The following SPAG16 variants were observed in gnomAD, a reference collection of about 807,000 sequenced individuals.
The protein encoded by SPAG16 is sperm associated antigen 16, also known as sperm-associated antigen 16 protein.
Under a neutral mutation model 80.4 loss-of-function variants are expected in SPAG16, and 86 were observed. The observed-to-expected ratio is 1.07, with a 90% confidence interval of 0.90 to 1.28. The LOEUF is 1.28. Ranked by LOEUF, SPAG16 falls within the 50% of genes most tolerant of loss-of-function variation. The pLI, the probability that SPAG16 is intolerant of heterozygous loss-of-function variation, is 0.00. For synonymous variants in SPAG16, 294 were observed against 265.9 expected, an observed-to-expected ratio of 1.11 and a Z score of -1.03; for missense variants, 870 against 765.3, an observed-to-expected ratio of 1.14 and a Z score of -1.61.
chr2:213,314,716 T>C (rs1320615181), intron 4 of SPAG16, among the ~76,000 whole-genome samples: 2 of 151,916 alleles, frequency 1.3e-5, no homozygotes, highest in East Asian at 3.9e-4. Flanking sequence ...TAAATCACTT[T>C]TTTCCTCATA....
chr2:214,388,629 T>G (rs1700893548), intron 15 of SPAG16, among the ~76,000 whole-genome samples: 1 of 152,200 alleles, frequency 6.6e-6, no homozygotes, highest in Non-Finnish European at 1.5e-5. Flanking sequence ...GTCTGATCAT[T>G]TTTTAGACAC....
At chr2:213,768,408 T>G (rs574337723) in intron 10 of SPAG16, among the ~76,000 whole-genome samples, 4 of 152,208 alleles carry the variant, frequency 2.6e-5, no homozygotes, top group Non-Finnish European at 5.9e-5. Flanking sequence ...AAAGTTACTC[T>G]GAAAGCTCTG....
chr2:213,761,454 A>C (rs1418987844), intron 10 of SPAG16, among the ~76,000 whole-genome samples: 1 of 152,224 alleles, frequency 6.6e-6, no homozygotes, highest in Non-Finnish European at 1.5e-5. Flanking sequence ...AGAATAAACC[A>C]ATGAACCCAA....
chr2:213,442,535 T>G (rs950599049), intron 9 of SPAG16, among the ~76,000 whole-genome samples: 4 of 152,122 alleles, frequency 2.6e-5, no homozygotes, highest in Admixed American at 2.6e-4. Flanking sequence ...AAAATTACAG[T>G]AATTAAGACA....
At chr2:213,698,907 T>C (rs2125317836) in intron 10 of SPAG16, among the ~76,000 whole-genome samples, 1 of 152,360 alleles carries the variant, frequency 6.6e-6, no homozygotes, top group African/African-American at 2.4e-5. Context: ...TAAACTGTAT[T>C]AATTAAATGA....
At chr2:214,117,498 T>C (rs2053994122) in intron 14 of SPAG16, among the ~76,000 whole-genome samples, 1 of 152,180 alleles carries the variant, frequency 6.6e-6, no homozygotes, top group Non-Finnish European at 1.5e-5. Context: ...TAACTCATCC[T>C]ATGAGAACAG....
At chr2:213,582,592 A>AT (rs1187793107) in intron 10 of SPAG16, among the ~76,000 whole-genome samples, 1 of 152,132 alleles carries the variant, frequency 6.6e-6, no homozygotes, top group Non-Finnish European at 1.5e-5. Context: ...AGTTTAAGTT[A>AT]TTTTTTGTGC....
At chr2:213,963,575 T>C (rs2044564507) in intron 12 of SPAG16, among the ~76,000 whole-genome samples, 1 of 152,172 alleles carries the variant, frequency 6.6e-6, no homozygotes, top group African/African-American at 2.4e-5. Context: ...AAGTCTTCTA[T>C]ATCCTTCTTG....
At chr2:213,319,007 A>G (rs2063514349) in intron 5 of SPAG16, among the ~76,000 whole-genome samples, 1 of 151,908 alleles carries the variant, frequency 6.6e-6, no homozygotes, top group Non-Finnish European at 1.5e-5. Context: ...CTGGTGAACA[A>G]TTTTAGATAA....
chr2:214,012,289 T>TATATATATATATATATATA (rs71034604), intron 12 of SPAG16, among the ~76,000 whole-genome samples: 1 of 26,106 alleles, frequency 3.8e-5, no homozygotes, highest in African/African-American at 1.9e-4. Context: ...TATATATATA[T>TATATATATATATATATATA]TTTTTTTTTT....
chr2:214,192,979 GT>G (rs2057709372), intron 15 of SPAG16, among the ~76,000 whole-genome samples: 1 of 152,014 alleles, frequency 6.6e-6, no homozygotes, highest in Admixed American at 6.6e-5. Context: ...CAGAAGCCAA[GT>G]GACGATGAAG....
rs1214208669 is a variant in SPAG16, at chr2:213,669,260, CAT to C, written c.1070+179173_1070+179174del. Among the ~76,000 whole-genome samples the C allele has an allele frequency of 7.2e-5, 11 of 152,294 alleles. No homozygotes were observed. The East Asian group carries it at 1.7e-3, about 24-fold the overall frequency. ...TGTTGTCTTTAGGAAAACTGTGACT[CAT>C]ATCAGTAGCTTATTACCAAAGTTAC... On this transcript the variant is annotated intron_variant, in intron 10 of 15. Transcript: ENST00000331683.
At chr2:214,088,772 G>C (rs1051345401) in intron 13 of SPAG16, among the ~76,000 whole-genome samples, 6 of 152,000 alleles carry the variant, frequency 3.9e-5, no homozygotes, top group African/African-American at 1.4e-4. Context: ...TTATGAATGA[G>C]TCCTCTCACC....
At chr2:214,195,978 C>T (rs1435144165) in intron 15 of SPAG16, among the ~76,000 whole-genome samples, 1 of 151,952 alleles carries the variant, frequency 6.6e-6, no homozygotes, top group Non-Finnish European at 1.5e-5. Flanking sequence ...ACCTAGTGGT[C>T]TTTCTACTAT....
intron 15 of SPAG16, chr2:214,281,165 A>G (rs978547344): frequency 1.1e-5 from 4 of 349,848 alleles, no homozygotes; most frequent in African/African-American, 6.4e-5. Flanking sequence ...AGGCCAGTAC[A>G]ATACGCTGCA....
intron 10 of SPAG16, chr2:213,758,201 C>G (rs1011332533): frequency 2.0e-5 from 3 of 153,042 alleles, no homozygotes; most frequent in African/African-American, 7.2e-5. Flanking sequence ...ACAGAATCCT[C>G]TTATGACAAT....
chr2:214,023,974 G>A (rs1451951665), intron 13 of SPAG16, among the ~76,000 whole-genome samples: 2 of 151,574 alleles, frequency 1.3e-5, no homozygotes, highest in Non-Finnish European at 3.0e-5. Context: ...TTTTAATTCT[G>A]TAAGAGGTAA....
chr2:213,642,627 C>CAGCCTACATCTCTTTT (rs1282702804), intron 10 of SPAG16, among the ~76,000 whole-genome samples: 142 of 111,438 alleles, frequency 1.3e-3, no homozygotes, highest in Middle Eastern at 0.011. Context: ...CTGGTCTACC[C>CAGCCTACATCTCTTTT]CGGCTAAAAT....
At chr2:214,292,690 T>A (rs978588671) in intron 15 of SPAG16, among the ~76,000 whole-genome samples, 1 of 152,232 alleles carries the variant, frequency 6.6e-6, no homozygotes, top group African/African-American at 2.4e-5. Context: ...GAAAATTATA[T>A]TTTTGGGAGG....
Sources: gnomAD v4.1 joint callset for allele counts (sites outside exome capture counted in the v4.1 genomes callset) on GRCh38, gnomAD v4.1.1 for gene constraint, MANE v1.5 for transcripts, NCBI Gene and HGNC (gene_info 2026-07-23, HGNC 2026-07-21) for gene names.